The following STK32A variants were observed in gnomAD, a reference collection of about 807,000 sequenced individuals.
STK32A encodes serine/threonine kinase 32A, also known as serine/threonine-protein kinase 32A.
A neutral mutation model predicts 53.2 loss-of-function variants in STK32A; 41 were observed. The observed-to-expected ratio is 0.77, with a 90% CI of 0.60 to 1.00. The LOEUF is 1.00. STK32A is among the 50% of genes least tolerant of loss of function. STK32A has a pLI of 0.00. For missense variants in STK32A, 458 were observed against 485.8 expected (o/e 0.94, Z 0.54); for synonymous variants, 166 against 162.8 (o/e 1.02, Z -0.15).
chr5:147,272,307 C>T (rs1467887368), intron 2 of STK32A, among the ~76,000 whole-genome samples: 1 of 152,140 alleles, frequency 6.6e-6, no homozygotes, highest in Non-Finnish European at 1.5e-5. Flanking sequence ...AAACTCCTGA[C>T]CTCTGGTCAT....
At chr5:147,239,967 TG>T in intron 2 of STK32A, 1 of 374,090 alleles carries the variant, frequency 2.7e-6, no homozygotes, top group Non-Finnish European at 4.8e-6. Context: ...ATGATTTGTT[TG>T]TCCTCTGTGC....
intron 6 of STK32A, among the ~76,000 whole-genome samples, chr5:147,349,790 T>G (rs1755869731): frequency 6.6e-6 from 1 of 152,118 alleles, no homozygotes; most frequent in Admixed American, 6.5e-5. Context: ...GCTCCCAGTC[T>G]AGTGCTCTTT....
Position 147,343,043 on chromosome 5 carries a change from GGTAA to G in STK32A, c.472+3_472+6del, listed in dbSNP as rs778710577. 9.9e-6 allele frequency: 16 copies of G among 1,613,186 alleles called. No individual in the cohort carries two copies. Among genetic ancestry groups the G allele is most frequent in the Middle Eastern group, 1.6e-4 (1 of 6,082 alleles). ...TGACAATATTTTACTTGACGAACAT[GGTAA>G]GTGAGTGATTTGTTTGCAATCAAGT... On this transcript the variant is annotated splice_donor_variant and splice_donor_region_variant and intron_variant, in intron 6 of 12. Coordinates refer to ENST00000397936, the MANE Select transcript of STK32A (RefSeq NM_001112724.2). LOFTEE classifies it high-confidence loss of function.
chr5:147,246,069 T>C (rs767790284), intron 2 of STK32A, among the ~76,000 whole-genome samples: 1 of 152,226 alleles, frequency 6.6e-6, no homozygotes, highest in Non-Finnish European at 1.5e-5. Flanking sequence ...ATTTCCGACT[T>C]TCCCTTAGCA....
the STK32A span, chr5:147,393,652 T>A: frequency 5.5e-6 from 1 of 181,798 alleles, no homozygotes. Context: ...CACCACCCAC[T>A]CACCCCAAAT....
intron 4 of STK32A, among the ~76,000 whole-genome samples, chr5:147,284,415 A>C (rs1026882645): frequency 1.9e-4 from 29 of 152,192 alleles, no homozygotes; most frequent in African/African-American, 7.0e-4. Context: ...CCAGAGCAAT[A>C]AGACAAGAGA....
At chr5:147,350,109 C>CA (rs994061255) in intron 6 of STK32A, among the ~76,000 whole-genome samples, 46 of 140,106 alleles carry the variant, frequency 3.3e-4, no homozygotes, top group Admixed American at 5.1e-4. Context: ...GACTCCACTT[C>CA]AAAAAAAAAA....
chr5:147,248,780 T>A (rs1488814873), intron 2 of STK32A, among the ~76,000 whole-genome samples: 1 of 152,198 alleles, frequency 6.6e-6, no homozygotes, highest in Non-Finnish European at 1.5e-5. Context: ...AAAAGGGAAG[T>A]GCTGACAGTG....
At chr5:147,339,984 T>C (rs2151986875) in intron 5 of STK32A, among the ~76,000 whole-genome samples, 1 of 152,338 alleles carries the variant, frequency 6.6e-6, no homozygotes, top group African/African-American at 2.4e-5. Flanking sequence ...AGTTAAGACT[T>C]TGGGGAATTC....
Position 147,384,553 on chromosome 5 carries a change from G to A in STK32A, c.*570G>A. 1.2e-6 allele frequency: 1 copy of A among 817,964 alleles called. No individual in the cohort carries two copies. The highest frequency in any genetic ancestry group is 1.9e-6 in the Non-Finnish European group (1 of 522,480). The allele number at this position is 817,964 out of a possible 1,614,324, so 50.7% of individuals were successfully genotyped here. On this transcript the variant is annotated 3_prime_UTR_variant, in exon 13 of 13. Coordinates refer to ENST00000397936, the MANE Select transcript of STK32A (RefSeq NM_001112724.2). ...ATGAGGGCCTTCCAGTGATATGCGT[G>A]AATCAGCATTAGATCCGCTTATCTC...
intron 2 of STK32A, among the ~76,000 whole-genome samples, chr5:147,248,311 A>T (rs1427026040): frequency 6.6e-6 from 1 of 152,054 alleles, no homozygotes; most frequent in Non-Finnish European, 1.5e-5. Context: ...TTACACCAAG[A>T]CTACAATCTG....
At chr5:147,291,478 A>G (rs1291366483) in intron 4 of STK32A, among the ~76,000 whole-genome samples, 4 of 152,130 alleles carry the variant, frequency 2.6e-5, no homozygotes, top group African/African-American at 9.7e-5. Context: ...AATACCATGC[A>G]GTTAGTTTTC....
chr5:147,294,787 A>T (rs7702978), intron 4 of STK32A, among the ~76,000 whole-genome samples: 2 of 151,774 alleles, frequency 1.3e-5, no homozygotes, highest in Middle Eastern at 6.8e-3. Flanking sequence ...GGGTTCAAGC[A>T]ATTCTCTTGC....
At chr5:147,370,450 A>G (rs987803502) in intron 8 of STK32A, among the ~76,000 whole-genome samples, 3 of 152,170 alleles carry the variant, frequency 2.0e-5, no homozygotes, top group African/African-American at 7.2e-5. Flanking sequence ...GCGACCATAA[A>G]TTCCTAGTGT....
intron 1 of STK32A, among the ~76,000 whole-genome samples, 178 bp downstream of exon 1, chr5:147,235,377 C>T (rs60420728): frequency 0.025 from 3,772 of 152,316 alleles, 149 homozygotes; most frequent in African/African-American, 0.085. Flanking sequence ...CCAGGTTCCC[C>T]TGCCTGGCAC....
chr5:147,330,785 C>T (rs1754830300), intron 5 of STK32A, among the ~76,000 whole-genome samples: 1 of 152,198 alleles, frequency 6.6e-6, no homozygotes, highest in Non-Finnish European at 1.5e-5. Flanking sequence ...GAAGGCTGCC[C>T]ACCTGTAATG....
the STK32A span, among the ~76,000 whole-genome samples, chr5:147,401,131 C>T: frequency 1.1e-4 from 17 of 152,178 alleles, no homozygotes; most frequent in African/African-American, 3.9e-4. Flanking sequence ...ACAAAGGAGT[C>T]TCCCTATAAT....
intron 11 of STK32A, among the ~76,000 whole-genome samples, chr5:147,377,152 T>A (rs894330847): frequency 2.0e-5 from 3 of 152,190 alleles, no homozygotes; most frequent in African/African-American, 4.8e-5. Context: ...TTTTAATTCA[T>A]CTCTAAGTAT....
At chr5:147,363,015 G>T (rs1756579795) in intron 8 of STK32A, among the ~76,000 whole-genome samples, 2 of 152,000 alleles carry the variant, frequency 1.3e-5, no homozygotes, top group East Asian at 1.9e-4. Flanking sequence ...GAGCCCAGGA[G>T]GTAGAGGCTG....
Sources: gnomAD v4.1 joint callset for allele counts (sites outside exome capture counted in the v4.1 genomes callset) on GRCh38, gnomAD v4.1.1 for gene constraint, MANE v1.5 for transcripts, NCBI Gene and HGNC (gene_info 2026-07-23, HGNC 2026-07-21) for gene names.